Variants in TENM3 observed in about 807,000 individuals in gnomAD.
TENM3 encodes teneurin transmembrane protein 3, also known as teneurin-3.
A neutral mutation model predicts 255.1 loss-of-function variants in TENM3; 63 were observed. The ratio of observed to expected loss-of-function variants is 0.25; its 90% CI spans 0.20 to 0.30. TENM3 has a LOEUF of 0.30. TENM3 is among the 10% of genes least tolerant of loss of function. The pLI is 1.00. For missense variants in TENM3, 2,929 were observed against 3,461.1 expected, an observed-to-expected ratio of 0.85 and a Z score of 3.86; for synonymous variants, 1,306 against 1,322.3, an observed-to-expected ratio of 0.99 and a Z score of 0.27.
the TENM3 span, among the ~76,000 whole-genome samples, chr4:181,464,809 G>A: frequency 6.6e-6 from 1 of 152,000 alleles, no homozygotes; most frequent in African/African-American, 2.4e-5. Context: ...AAATTAGCTG[G>A]GCATGGTGGC....
intron 3 of TENM3, among the ~76,000 whole-genome samples, chr4:182,541,377 C>T (rs936078273): frequency 2.0e-5 from 3 of 152,108 alleles, no homozygotes; most frequent in African/African-American, 4.8e-5. Context: ...AAATAGAGAG[C>T]AGAATGTTAA....
At chr4:182,456,347 C>T (rs1773876653) in intron 3 of TENM3, among the ~76,000 whole-genome samples, 1 of 152,166 alleles carries the variant, frequency 6.6e-6, no homozygotes, top group Non-Finnish European at 1.5e-5. Context: ...TGAGTAAAGA[C>T]TCAGAGCTAA....
chr4:181,468,380 A>C, the TENM3 span, among the ~76,000 whole-genome samples: 1 of 152,198 alleles, frequency 6.6e-6, no homozygotes, highest in African/African-American at 2.4e-5. Flanking sequence ...TCTTTTTTAC[A>C]TCTTGTATCC....
At chr4:182,721,534 CTGTG>C (rs148044323) in intron 13 of TENM3, among the ~76,000 whole-genome samples, 1 of 150,388 alleles carries the variant, frequency 6.6e-6, no homozygotes, top group Non-Finnish European at 1.5e-5. Flanking sequence ...TGTAGCGAAT[CTGTG>C]TGTGTGTGTG....
chr4:182,699,086 A>G (rs1289378336), intron 12 of TENM3, among the ~76,000 whole-genome samples: 1 of 152,230 alleles, frequency 6.6e-6, no homozygotes. Flanking sequence ...CATATGATAA[A>G]TGAATTCTAT....
chr4:181,651,546 C>T, the TENM3 span, among the ~76,000 whole-genome samples: 9 of 151,932 alleles, frequency 5.9e-5, no homozygotes, highest in African/African-American at 1.7e-4. Context: ...TGAGATCACG[C>T]CACTGCACTC....
the TENM3 span, among the ~76,000 whole-genome samples, chr4:182,101,942 T>G: frequency 9.2e-5 from 14 of 152,160 alleles, no homozygotes; most frequent in Non-Finnish European, 2.1e-4. Context: ...GGTAGAAGAG[T>G]CTTGACTGTG....
the TENM3 span, among the ~76,000 whole-genome samples, chr4:181,772,237 G>C: frequency 6.6e-6 from 1 of 152,070 alleles, no homozygotes; most frequent in Non-Finnish European, 1.5e-5. Context: ...AATTAGCTGG[G>C]TGTGGTGGCA....
intron 3 of TENM3, among the ~76,000 whole-genome samples, chr4:182,449,366 A>T (rs767936545): frequency 2.0e-5 from 3 of 152,172 alleles, no homozygotes; most frequent in Non-Finnish European, 2.9e-5. Flanking sequence ...TTTCGAAGAG[A>T]TGGAGGCTGA....
intron 3 of TENM3, among the ~76,000 whole-genome samples, chr4:182,437,496 A>G (rs1355765003): frequency 0.011 from 1 of 90 alleles, no homozygotes; most frequent in Non-Finnish European, 0.038. Flanking sequence ...AAAAAATACA[A>G]AAAAAATAGC....
chr4:181,973,977 G>A, the TENM3 span, among the ~76,000 whole-genome samples: 5,245 of 152,294 alleles, frequency 0.034, 315 homozygotes, highest in African/African-American at 0.12. Flanking sequence ...GGGAGAGCCT[G>A]CAAACCATAA....
chr4:181,561,571 C>T, the TENM3 span, among the ~76,000 whole-genome samples: 3 of 152,152 alleles, frequency 2.0e-5, no homozygotes, highest in Non-Finnish European at 2.9e-5. Context: ...CTTTATAAAT[C>T]ACTGCTTCAC....
chr4:182,338,497 C>G (rs1191495962), intron 2 of TENM3, among the ~76,000 whole-genome samples: 1 of 152,188 alleles, frequency 6.6e-6, no homozygotes, highest in Admixed American at 6.5e-5. Flanking sequence ...GAGGGGGAGG[C>G]AGTTTTATTA....
intron 22 of TENM3, among the ~76,000 whole-genome samples, chr4:182,765,536 T>C (rs77707015): frequency 0.013 from 2,020 of 152,340 alleles, 111 homozygotes; most frequent in South Asian, 0.085. Context: ...CTTTGCTCAA[T>C]GTTCATTTTC....
chr4:182,744,093 CT>C (rs957977132), intron 19 of TENM3: 38,651 of 448,168 alleles, frequency 0.086, 24 homozygotes, highest in Middle Eastern at 0.13. Context: ...ACTGTGCTTT[CT>C]TTTTTTTTTT....
the TENM3 span, among the ~76,000 whole-genome samples, chr4:181,662,302 A>G: frequency 6.6e-6 from 1 of 152,216 alleles, no homozygotes; most frequent in African/African-American, 2.4e-5. Flanking sequence ...TGCATGATAC[A>G]CAGTACAAAT....
chr4:181,679,305 C>T, the TENM3 span, among the ~76,000 whole-genome samples: 24 of 152,246 alleles, frequency 1.6e-4, no homozygotes, highest in Middle Eastern at 3.4e-3. Context: ...CTCTGTGAGT[C>T]TGCTGTGATT....
the TENM3 span, among the ~76,000 whole-genome samples, chr4:181,473,622 A>G: frequency 6.6e-6 from 1 of 151,898 alleles, no homozygotes; most frequent in Non-Finnish European, 1.5e-5. Flanking sequence ...ATGAAATGAA[A>G]AAAAAAATCG....
At chr4:182,172,664 C>T (rs994045655) in intron 1 of TENM3, among the ~76,000 whole-genome samples, 1 of 152,110 alleles carries the variant, frequency 6.6e-6, no homozygotes, top group Non-Finnish European at 1.5e-5. Flanking sequence ...CATAAAGTTA[C>T]TGGCTGAATT....
Sources: allele counts gnomAD v4.1 joint callset (sites outside exome capture counted in the v4.1 genomes callset), GRCh38; gene constraint gnomAD v4.1.1; transcripts MANE v1.5; gene names NCBI Gene and HGNC (gene_info 2026-07-23, HGNC 2026-07-21).